The following LRRC4C variants were observed in gnomAD, a reference collection of about 807,000 sequenced individuals.
LRRC4C encodes leucine-rich repeat-containing protein 4C.
A neutral mutation model predicts 33.6 loss-of-function variants in LRRC4C; 5 were observed. That is an observed-to-expected ratio of 0.15 (90% confidence interval 0.08 to 0.31). LRRC4C has a LOEUF of 0.31. Among genes scored for constraint, LRRC4C ranks in the 10% least tolerant of loss-of-function variants. The pLI is 1.00. For synonymous variants in LRRC4C, 329 were observed against 302.0 expected (o/e 1.09, Z -0.93); for missense variants, 560 against 796.7 (o/e 0.70, Z 3.58).
At chr11:41,030,444 C>T (rs905804669) in intron 1 of LRRC4C, among the ~76,000 whole-genome samples, 1 of 151,780 alleles carries the variant, frequency 6.6e-6, no homozygotes, top group Non-Finnish European at 1.5e-5. Context: ...TAGGGACTGA[C>T]CTTCTTTCAC....
intron 5 of LRRC4C, among the ~76,000 whole-genome samples, chr11:40,164,559 A>G (rs897655568): frequency 2.0e-5 from 3 of 152,178 alleles, no homozygotes; most frequent in African/African-American, 7.2e-5. Flanking sequence ...TTGCAGCAAC[A>G]TAAATGGAAC....
intron 4 of LRRC4C, among the ~76,000 whole-genome samples, chr11:40,304,386 G>A (rs1427502041): frequency 6.6e-6 from 1 of 152,160 alleles, no homozygotes; most frequent in African/African-American, 2.4e-5. Context: ...ACAGCTTCTG[G>A]TAACATAATA....
chr11:41,230,910 A>G (rs1330628112), intron 1 of LRRC4C, among the ~76,000 whole-genome samples: 2 of 150,240 alleles, frequency 1.3e-5, no homozygotes, highest in Non-Finnish European at 3.0e-5. Context: ...AATTTACAAA[A>G]AAAAAAAAAA....
At chr11:41,404,565 C>T (rs1250184362) in intron 1 of LRRC4C, among the ~76,000 whole-genome samples, 8 of 33,962 alleles carry the variant, frequency 2.4e-4, no homozygotes, top group Non-Finnish European at 4.6e-4. Flanking sequence ...CACACACACC[C>T]CCCGAGGTTA....
At chr11:40,440,014 G>A (rs1425448975) in intron 3 of LRRC4C, among the ~76,000 whole-genome samples, 1 of 152,204 alleles carries the variant, frequency 6.6e-6, no homozygotes, top group Non-Finnish European at 1.5e-5. Context: ...GCTGCTTTCA[G>A]CATTGCAATG....
chr11:40,373,276 C>A (rs1220487741), intron 3 of LRRC4C, among the ~76,000 whole-genome samples: 2 of 151,672 alleles, frequency 1.3e-5, no homozygotes, highest in Non-Finnish European at 2.9e-5. Flanking sequence ...GATATCTTAC[C>A]CAACAGGTAC....
chr11:40,943,483 G>C, intron 1 of LRRC4C, among the ~76,000 whole-genome samples: 1 of 152,182 alleles, frequency 6.6e-6, no homozygotes, highest in Non-Finnish European at 1.5e-5. Context: ...GTTGGCTACA[G>C]TTGGATTTGC....
intron 1 of LRRC4C, among the ~76,000 whole-genome samples, chr11:41,007,856 C>A (rs1854879003): frequency 6.6e-6 from 1 of 152,054 alleles, no homozygotes. Context: ...TTACAGAATG[C>A]TTAGTGTCTG....
intron 1 of LRRC4C, among the ~76,000 whole-genome samples, chr11:40,953,018 C>T (rs1303571523): frequency 6.6e-6 from 1 of 151,802 alleles, no homozygotes; most frequent in Admixed American, 6.6e-5. Context: ...TCAGAGAGCT[C>T]TGCATGTAGC....
chr11:41,453,905 C>G (rs1956102969), intron 1 of LRRC4C, among the ~76,000 whole-genome samples: 1 of 152,068 alleles, frequency 6.6e-6, no homozygotes. Flanking sequence ...GGCCAATGAA[C>G]TTGTGTTTGC....
At chr11:40,585,742 G>A (rs1236693757) in intron 3 of LRRC4C, among the ~76,000 whole-genome samples, 4 of 141,266 alleles carry the variant, frequency 2.8e-5, no homozygotes, top group African/African-American at 1.0e-4. Context: ...TTGTTCTTGC[G>A]ATAGTTTACT....
At chr11:40,308,043 C>T (rs1262307779) in intron 4 of LRRC4C, among the ~76,000 whole-genome samples, 3 of 152,092 alleles carry the variant, frequency 2.0e-5, no homozygotes, top group Non-Finnish European at 4.4e-5. Flanking sequence ...CAGAATTTAT[C>T]AAATAAAGGA....
At chr11:40,131,901 G>A (rs373218890) in intron 6 of LRRC4C, among the ~76,000 whole-genome samples, 127 of 152,122 alleles carry the variant, frequency 8.3e-4, no homozygotes, top group African/African-American at 2.8e-3. Flanking sequence ...ATCAATATCC[G>A]TATTTGATTA....
chr11:41,351,857 A>G (rs758351142), intron 1 of LRRC4C, among the ~76,000 whole-genome samples: 39 of 152,356 alleles, frequency 2.6e-4, no homozygotes, highest in Non-Finnish European at 5.0e-4. Context: ...GACCTGCCAT[A>G]CAAGAGGTCC....
At chr11:41,459,233 TG>T (rs2138718103) in intron 1 of LRRC4C, among the ~76,000 whole-genome samples, 197 bp downstream of exon 1, 2 of 152,238 alleles carry the variant, frequency 1.3e-5, no homozygotes, top group South Asian at 4.1e-4. Context: ...GTAAGAGGAA[TG>T]GGGGGATGGT....
At chr11:41,158,166 G>A (rs1944315251) in intron 1 of LRRC4C, among the ~76,000 whole-genome samples, 1 of 151,918 alleles carries the variant, frequency 6.6e-6, no homozygotes, top group African/African-American at 2.4e-5. Context: ...TTTTATAGTT[G>A]AGAAAAATGA....
At chr11:41,281,145 C>T (rs1949667185) in intron 1 of LRRC4C, among the ~76,000 whole-genome samples, 1 of 141,124 alleles carries the variant, frequency 7.1e-6, no homozygotes, top group Non-Finnish European at 1.5e-5. Context: ...GAGGAACATT[C>T]TTCCTGGGAA....
chr11:40,327,387 C>T (rs1946152103), intron 3 of LRRC4C, among the ~76,000 whole-genome samples: 1 of 152,100 alleles, frequency 6.6e-6, no homozygotes, highest in African/African-American at 2.4e-5. Flanking sequence ...ATTTCGAATT[C>T]ATTGAGCCTT....
At chr11:41,023,026 A>T (rs1386837664) in intron 1 of LRRC4C, among the ~76,000 whole-genome samples, 1 of 151,950 alleles carries the variant, frequency 6.6e-6, no homozygotes, top group South Asian at 2.1e-4. Flanking sequence ...AAAGTTATGT[A>T]TCTTAACTCT....
Sources: allele counts gnomAD v4.1 joint callset (sites outside exome capture counted in the v4.1 genomes callset), GRCh38; gene constraint gnomAD v4.1.1; transcripts MANE v1.5; gene names NCBI Gene and HGNC (gene_info 2026-07-23, HGNC 2026-07-21).